Variants in DCC observed in about 807,000 individuals in gnomAD.
The protein encoded by DCC is DCC netrin 1 receptor.
In DCC, 58 loss-of-function variants were observed where a neutral mutation model predicts 172.5. The ratio of observed to expected loss-of-function variants is 0.34; its 90% CI spans 0.27 to 0.42. The LOEUF (loss-of-function observed/expected upper bound fraction) is 0.42. DCC is among the 10% of genes least tolerant of loss of function. The probability of loss-of-function intolerance (pLI) is 1.00; values close to 1 mark genes in which losing one functional copy is unlikely to be tolerated. For missense variants in DCC, 1,740 were observed against 1,791.0 expected (o/e 0.97, Z 0.51); for synonymous variants, 709 against 644.5 (o/e 1.10, Z -1.52).
intron 5 of DCC, among the ~76,000 whole-genome samples, chr18:53,036,816 T>A (rs910372692): frequency 6.6e-6 from 1 of 151,976 alleles, no homozygotes; most frequent in African/African-American, 2.4e-5. Context: ...TTGGAACACA[T>A]CTGTTTGCAA....
chr18:53,021,023 C>G (rs1007794088), intron 5 of DCC, among the ~76,000 whole-genome samples: 6 of 152,142 alleles, frequency 3.9e-5, no homozygotes, highest in African/African-American at 1.4e-4. Context: ...GGCTTAGAAG[C>G]CAGGGAGCAG....
At chr18:52,929,872 G>T (rs1456815060) in intron 5 of DCC, among the ~76,000 whole-genome samples, 5 of 141,164 alleles carry the variant, frequency 3.5e-5, no homozygotes, top group Non-Finnish European at 6.2e-5. Context: ...ACTCACGTTT[G>T]TTTTCTCCAT....
rs559811708 is a variant in DCC, at chr18:53,305,844, G to A, written c.2053+125G>A. On this transcript the variant is annotated intron_variant, in intron 13 of 28. Transcript: ENST00000442544. ...GGCATCCAGGCAGGTGACATCTATTGGCTGGAACAAGAACAACCTTTATAT... is the reference window on the plus strand; with the variant it reads ...GGCATCCAGGCAGGTGACATCTATTAGCTGGAACAAGAACAACCTTTATAT... The A allele has an allele frequency of 5.3e-6, 5 of 936,250 alleles. No homozygotes were observed. The African/African-American group carries it at 8.0e-5, about 15-fold the overall frequency. 58.0% of individuals were successfully genotyped at this position (936,250 alleles called of 1,614,324 possible).
chr18:52,938,217 T>C (rs1657979728), intron 5 of DCC, among the ~76,000 whole-genome samples: 1 of 152,094 alleles, frequency 6.6e-6, no homozygotes, highest in Non-Finnish European at 1.5e-5. Context: ...GAGGAAAAAA[T>C]CTGTGATAAA....
chr18:53,396,110 A>T (rs1376501148), intron 17 of DCC, among the ~76,000 whole-genome samples: 29 of 85,378 alleles, frequency 3.4e-4, no homozygotes, highest in Admixed American at 3.3e-3. Flanking sequence ...TAGTAGAATT[A>T]AAAAAAAAAA....
chr18:52,733,072 C>T (rs1330082957), intron 1 of DCC, among the ~76,000 whole-genome samples: 1 of 152,112 alleles, frequency 6.6e-6, no homozygotes, highest in Non-Finnish European at 1.5e-5. Context: ...TCAGCATTGG[C>T]TGGGAAGGTT....
chr18:52,556,023 C>T (rs2032905484), intron 1 of DCC, among the ~76,000 whole-genome samples: 1 of 152,034 alleles, frequency 6.6e-6, no homozygotes, highest in South Asian at 2.1e-4. Context: ...GGTGTCTATC[C>T]TTTTAGTGAA....
intron 5 of DCC, among the ~76,000 whole-genome samples, chr18:52,931,132 G>T (rs1368061280): frequency 6.6e-6 from 1 of 151,864 alleles, no homozygotes; most frequent in Non-Finnish European, 1.5e-5. Flanking sequence ...TGGTTGATAT[G>T]CTGTTTTAAT....
At chr18:53,041,060 T>C (rs2042162240) in intron 5 of DCC, among the ~76,000 whole-genome samples, 1 of 152,068 alleles carries the variant, frequency 6.6e-6, no homozygotes, top group Non-Finnish European at 1.5e-5. Flanking sequence ...GTATTAATCT[T>C]GGATTTTGTT....
intron 1 of DCC, among the ~76,000 whole-genome samples, chr18:52,629,906 C>G (rs1027967006): frequency 2.1e-5 from 3 of 141,862 alleles, no homozygotes; most frequent in Non-Finnish European, 4.5e-5. Context: ...GCGGAGATGG[C>G]GCCACTGCAC....
chr18:52,520,805 G>A (rs1423165883), intron 1 of DCC, among the ~76,000 whole-genome samples: 1 of 151,826 alleles, frequency 6.6e-6, no homozygotes, highest in African/African-American at 2.4e-5. Context: ...TTATAACATT[G>A]GTTAAAAGTG....
chr18:53,279,905 A>G (rs2144725610), intron 12 of DCC, among the ~76,000 whole-genome samples: 1 of 152,192 alleles, frequency 6.6e-6, no homozygotes, highest in East Asian at 1.9e-4. Flanking sequence ...ATAGACACAA[A>G]GACTAGAACA....
At chr18:52,946,555 T>G (rs2145537154) in intron 5 of DCC, among the ~76,000 whole-genome samples, 1 of 152,288 alleles carries the variant, frequency 6.6e-6, no homozygotes. Flanking sequence ...GGTTCAAGTC[T>G]GCCCTGTGTG....
intron 16 of DCC, among the ~76,000 whole-genome samples, chr18:53,386,482 G>C (rs1461089743): frequency 6.6e-6 from 1 of 152,118 alleles, no homozygotes; most frequent in Non-Finnish European, 1.5e-5. Flanking sequence ...TGAGCAGTTT[G>C]TCTCAAATCA....
chr18:52,522,956 G>A (rs1192952832), intron 1 of DCC, among the ~76,000 whole-genome samples: 2 of 152,302 alleles, frequency 1.3e-5, no homozygotes, highest in Middle Eastern at 3.4e-3. Context: ...TAGAAAGCAT[G>A]TGATAGTCAT....
rs531519798 is a variant in DCC, at chr18:52,615,735, T to C, written c.92-136319T>C. Among the ~76,000 whole-genome samples the C allele has an allele frequency of 1.9e-4, 29 of 152,240 alleles. 1 individual carries two copies. In the South Asian group the frequency reaches 5.8e-3, roughly 30 times the overall value. On this transcript the variant is annotated intron_variant, in intron 1 of 28. Coordinates refer to ENST00000442544, the MANE Select transcript of DCC (RefSeq NM_005215.4). ...GAGAACAATTAAAGACAAGTTCTTC[T>C]GATGATGAATAAGACCCCTCCTAGG...
At chr18:53,431,762 G>T (rs181905050) in intron 21 of DCC, among the ~76,000 whole-genome samples, 1 of 152,154 alleles carries the variant, frequency 6.6e-6, no homozygotes, top group Admixed American at 6.5e-5. Context: ...GGGATTACAG[G>T]CATGAGCTAC....
chr18:53,221,875 C>T (rs1376927210), intron 12 of DCC, among the ~76,000 whole-genome samples: 4 of 152,184 alleles, frequency 2.6e-5, no homozygotes, highest in African/African-American at 9.6e-5. Context: ...CAGAATACTT[C>T]TGTTCCAAAA....
At chr18:53,258,519 G>A (rs879807004) in intron 12 of DCC, among the ~76,000 whole-genome samples, 1 of 152,082 alleles carries the variant, frequency 6.6e-6, no homozygotes, top group Non-Finnish European at 1.5e-5. Context: ...TAGTTGAGCG[G>A]TTTTGAGTGA....
Sources: allele counts gnomAD v4.1 joint callset (sites outside exome capture counted in the v4.1 genomes callset), GRCh38; gene constraint gnomAD v4.1.1; transcripts MANE v1.5; gene names NCBI Gene and HGNC (gene_info 2026-07-23, HGNC 2026-07-21).